CSMD1: variants seen among roughly 807,000 people sequenced by gnomAD.
CSMD1 encodes CUB and sushi domain-containing protein 1.
A neutral mutation model predicts 417.5 loss-of-function variants in CSMD1; 213 were observed. The ratio of observed to expected loss-of-function variants is 0.51; its 90% CI spans 0.46 to 0.57. The LOEUF (loss-of-function observed/expected upper bound fraction) is 0.57. CSMD1 is among the 20% of genes least tolerant of loss of function. The pLI, the probability that CSMD1 is intolerant of heterozygous loss-of-function variation, is 0.00. For synonymous variants in CSMD1, 2,862 were observed against 1,736.8 expected, an observed-to-expected ratio of 1.65 and a Z score of -16.11; for missense variants, 6,923 against 4,529.7, an observed-to-expected ratio of 1.53 and a Z score of -15.17.
intron 26 of CSMD1, among the ~76,000 whole-genome samples, chr8:3,236,557 G>T (rs1015907436): frequency 3.9e-5 from 6 of 152,102 alleles, no homozygotes; most frequent in African/African-American, 1.4e-4. Context: ...TTCTGTTAAA[G>T]GCAAGAAAGC....
In CSMD1 at chr8:2,938,758, A is replaced by G; in HGVS notation, c.10536-14T>C. On this transcript the variant is annotated splice_polypyrimidine_tract_variant and intron_variant, in intron 69 of 69. Transcript: ENST00000635120. ...TTTGGTCTCGTTCTAAGGAAAACAG[A>G]AAACAAATCATTAGAATCCTGGTTT... The G allele has an allele frequency of 6.3e-7, 1 of 1,587,078 alleles. No homozygotes were observed. Among genetic ancestry groups the G allele is most frequent in the Non-Finnish European group, 8.6e-7 (1 of 1,164,884 alleles).
intron 2 of CSMD1, among the ~76,000 whole-genome samples, chr8:4,444,965 G>T (rs761864619): frequency 6.6e-6 from 1 of 152,148 alleles, no homozygotes; most frequent in African/African-American, 2.4e-5. Context: ...TCTCCACTGT[G>T]TTAAAGAAAT....
At chr8:2,955,413 G>A (rs1802927361) in intron 64 of CSMD1, among the ~76,000 whole-genome samples, 176 bp downstream of exon 64, 1 of 152,150 alleles carries the variant, frequency 6.6e-6, no homozygotes. Flanking sequence ...CAAACACTGA[G>A]GATACACACG....
chr8:3,153,973 T>C (rs955191455), intron 39 of CSMD1, among the ~76,000 whole-genome samples: 1 of 152,166 alleles, frequency 6.6e-6, no homozygotes, highest in Admixed American at 6.5e-5. Flanking sequence ...TCTTCCTTTG[T>C]AACTTTTTTT....
intron 5 of CSMD1, among the ~76,000 whole-genome samples, chr8:3,982,259 G>C (rs182404788): frequency 6.6e-6 from 1 of 151,058 alleles, no homozygotes; most frequent in Admixed American, 6.6e-5. Context: ...ACTTAAGAAT[G>C]CTGGGATTTA....
chr8:4,851,658 C>G (rs544125108), intron 1 of CSMD1, among the ~76,000 whole-genome samples: 2 of 152,186 alleles, frequency 1.3e-5, no homozygotes, highest in East Asian at 1.9e-4. Context: ...CTCAATGTCT[C>G]CTGCTCTCCC....
chr8:4,333,019 T>C (rs916318013), intron 3 of CSMD1, among the ~76,000 whole-genome samples: 1 of 151,984 alleles, frequency 6.6e-6, no homozygotes, highest in African/African-American at 2.4e-5. Context: ...CAACAATGTA[T>C]TTCTCATCCC....
intron 1 of CSMD1, among the ~76,000 whole-genome samples, chr8:4,923,302 G>C (rs545678280): frequency 5.9e-5 from 9 of 152,210 alleles, no homozygotes; most frequent in South Asian, 4.2e-4. Flanking sequence ...AAGGCAATGT[G>C]AGTTGATGCT....
At chr8:4,587,027 T>G (rs534608779) in intron 2 of CSMD1, among the ~76,000 whole-genome samples, 1 of 152,362 alleles carries the variant, frequency 6.6e-6, no homozygotes, top group South Asian at 2.1e-4. Flanking sequence ...TAAGTTTAGT[T>G]AATTTTGAAT....
At chr8:3,751,705 G>A (rs1797351971) in intron 6 of CSMD1, among the ~76,000 whole-genome samples, 1 of 151,720 alleles carries the variant, frequency 6.6e-6, no homozygotes, top group Non-Finnish European at 1.5e-5. Context: ...CAACCAATGA[G>A]TTTCTTATAT....
chr8:3,522,895 T>C (rs1348676001), intron 10 of CSMD1, among the ~76,000 whole-genome samples: 3 of 149,912 alleles, frequency 2.0e-5, no homozygotes, highest in African/African-American at 7.3e-5. Flanking sequence ...CCTTTCAATA[T>C]ATTTATATAT....
Position 4,053,330 on chromosome 8 carries a change from C to A in CSMD1, c.416-21231G>T, listed in dbSNP as rs146939486. Among the ~76,000 whole-genome samples, 21 of 152,272 alleles carry A rather than the reference C, an allele frequency of 1.4e-4. No individual in the cohort carries two copies. In the East Asian group the frequency reaches 3.7e-3, roughly 27 times the overall value. On this transcript the variant is annotated intron_variant, in intron 3 of 69. Transcript: ENST00000635120. Reference sequence around the variant, plus strand: ...ATGCATGAGAATAATAAAAATCAGACTGACCTTTAGTTAGTTTTACTATTA... The same window carrying A: ...ATGCATGAGAATAATAAAAATCAGAATGACCTTTAGTTAGTTTTACTATTA...
chr8:3,295,653 C>T (rs775857008), intron 25 of CSMD1, among the ~76,000 whole-genome samples: 2 of 152,172 alleles, frequency 1.3e-5, no homozygotes, highest in Non-Finnish European at 2.9e-5. Context: ...CTAACTCGCT[C>T]TCCCTTGGGA....
At chr8:4,387,999 T>C (rs1445061864) in intron 3 of CSMD1, among the ~76,000 whole-genome samples, 2 of 152,178 alleles carry the variant, frequency 1.3e-5, no homozygotes, top group African/African-American at 4.8e-5. Flanking sequence ...GTTAAACACA[T>C]AATTGAATCC....
rs992146347 is a variant in CSMD1, at chr8:4,756,752, G to A, written c.86-119194C>T. 2.6e-5 allele frequency among the ~76,000 whole-genome samples: 4 copies of A among 152,282 alleles called. No homozygotes were observed. In the South Asian group the frequency reaches 8.3e-4, roughly 32 times the overall value. On this transcript the variant is annotated intron_variant, in intron 1 of 69. Transcript: ENST00000635120. Reference sequence around the variant, plus strand: ...ACAGGAAACAGGTAAAATAAATGTAGCAGCTTCCTGGGAGTCATCTTGGGC... The same window carrying A: ...ACAGGAAACAGGTAAAATAAATGTAACAGCTTCCTGGGAGTCATCTTGGGC...
intron 15 of CSMD1, among the ~76,000 whole-genome samples, chr8:3,400,037 C>T (rs775583612): frequency 6.6e-6 from 1 of 152,062 alleles, no homozygotes; most frequent in Non-Finnish European, 1.5e-5. Flanking sequence ...TGAAACAAAA[C>T]AAAATGTTCA....
chr8:3,744,020 C>T lies in CSMD1; in HGVS notation c.931+9910G>A, dbSNP rs2720845. The stretch of plus-strand genomic sequence containing the variant: ...TGAAAATTGTGTATTTCTCAATATC[C>T]TGCCCTTTCCCCTTCAATGTGGAGC... On this transcript the variant is annotated intron_variant, in intron 6 of 69. Coordinates refer to ENST00000635120, the MANE Select transcript of CSMD1 (RefSeq NM_033225.6). Among the ~76,000 whole-genome samples, 657 of 152,320 alleles carry T rather than the reference C, an allele frequency of 4.3e-3. 20 individuals carry two copies. The East Asian group carries it at 0.076, about 18-fold the overall frequency.
intron 8 of CSMD1, among the ~76,000 whole-genome samples, chr8:3,601,281 C>A (rs76758786): frequency 6.6e-6 from 1 of 152,120 alleles, no homozygotes; most frequent in Non-Finnish European, 1.5e-5. Context: ...ATTTTTGCTG[C>A]GGGGAAACAA....
At chr8:2,993,400 C>T (rs1806577602) in intron 54 of CSMD1, among the ~76,000 whole-genome samples, 2 of 152,182 alleles carry the variant, frequency 1.3e-5, no homozygotes, top group Non-Finnish European at 2.9e-5. Context: ...GAGGGGGCTA[C>T]TGTCTGCCCC....
Sources: gnomAD v4.1 joint callset for allele counts (sites outside exome capture counted in the v4.1 genomes callset) on GRCh38, gnomAD v4.1.1 for gene constraint, MANE v1.5 for transcripts, NCBI Gene and HGNC (gene_info 2026-07-23, HGNC 2026-07-21) for gene names.